The following MUC4 variants were observed in gnomAD, a reference collection of about 807,000 sequenced individuals.
MUC4 encodes mucin 4, cell surface associated.
In MUC4, 202 loss-of-function variants were observed where a neutral mutation model predicts 257.9. The observed-to-expected ratio is 0.78, with a 90% CI of 0.70 to 0.88. MUC4 has a LOEUF of 0.88. Among genes scored for constraint, MUC4 ranks in the 40% least tolerant of loss-of-function variants. The pLI, the probability that MUC4 is intolerant of heterozygous loss-of-function variation, is 0.00. For missense variants in MUC4, 5,976 were observed against 6,513.7 expected (o/e 0.92, Z 2.84); for synonymous variants, 2,351 against 2,757.1 (o/e 0.85, Z 4.62).
Position 195,770,440 on chromosome 3 carries a change from C to T in MUC4, c.13243-69G>A, listed in dbSNP as rs1386305818. 2.5e-6 allele frequency: 4 copies of T among 1,583,860 alleles called. No homozygotes were observed. In the Admixed American group the frequency reaches 5.2e-5, roughly 21 times the overall value. ...CTCCTACACATGGGCCCCCCACTTT[C>T]TGCCTGAGGACCCTGCCCACTTCAG... is the stretch of plus-strand genomic sequence containing the variant. On this transcript the variant is annotated intron_variant, in intron 5 of 24. Transcript: ENST00000463781.
Position 195,789,929 on chromosome 3 carries a change from G to A in MUC4, c.1651C>T (p.His551Tyr). The A allele has an allele frequency of 6.2e-7, 1 of 1,613,992 alleles. No individual in the cohort carries two copies. The stretch of plus-strand genomic sequence containing the variant: ...GTTGTTTTTGGGAGAGTTGTGCTGT[G>A]GGAGGAGTATGTGGTGGGCTCTCCT... ...EPGEPTTYSS[H>Y]STTLPKTTGA... Residue 551 changes from histidine (H) to tyrosine (Y), a missense_variant, in exon 2 of 25, where the codon CAC becomes TAC. His to Tyr is a moderately conservative substitution (Grantham distance 83). Transcript: ENST00000463781.
chr3:195,748,924 G>A lies in MUC4; in HGVS notation c.16012C>T (p.Leu5338=). The change falls in exon 24 of 25, where the codon CTG becomes TTG. Residue 5338 remains leucine, a synonymous_variant. Coordinates refer to ENST00000463781, the MANE Select transcript of MUC4 (RefSeq NM_018406.7). ...YCDHGGQCQH[L]PSGPRCSCVS... ...CACCTGCAGCGGGGCCCACTGGGCA[G>A]GTGCTGGCACTGGCCTCCATGGTCA... The A allele has an allele frequency of 6.3e-7, 1 of 1,591,048 alleles. No individual in the cohort carries two copies. Among genetic ancestry groups the A allele is most frequent in the Non-Finnish European group, 8.6e-7 (1 of 1,168,876 alleles).
At position 195,765,466 on chromosome 3, in the gene MUC4, G is replaced by T; in HGVS notation, c.13619-17C>A. On this transcript the variant is annotated splice_polypyrimidine_tract_variant and intron_variant, in intron 8 of 24. Coordinates refer to ENST00000463781, the MANE Select transcript of MUC4 (RefSeq NM_018406.7). ...CTTGGAGGCCTGAGGTCGGGGATGG[G>T]GGGGAAAGGGCTTATCCAGGGCTGG... The T allele has an allele frequency of 6.2e-6, 10 of 1,606,406 alleles. No individual in the cohort carries two copies. The highest frequency in any genetic ancestry group is 1.3e-5 in the African/African-American group (1 of 74,924).
intron 3 of MUC4, 131 bp downstream of exon 3, chr3:195,778,172 C>T (rs1311087263): frequency 5.0e-5 from 62 of 1,245,292 alleles, no homozygotes; most frequent in African/African-American, 6.2e-5. Context: ...GGAGCGACTC[C>T]GATGCTGTGT....
chr3:195,798,500 G>A (rs1023382334), intron 1 of MUC4, among the ~76,000 whole-genome samples: 1 of 152,080 alleles, frequency 6.6e-6, no homozygotes, highest in African/African-American at 2.4e-5. Flanking sequence ...TCAGGAGATC[G>A]AGACCATCCT....
Position 195,780,641 on chromosome 3 carries a change from T to G in MUC4, c.10939A>C (p.Thr3647Pro). The change falls in exon 2 of 25, where the codon ACC (threonine) becomes CCC (proline). Residue 3647 changes from threonine (T) to proline (P), a missense_variant. Physicochemically the swap from Thr to Pro is conservative, Grantham distance 38. Transcript: ENST00000463781. Reference protein sequence around the residue: ...SLSSVSTGDTTPLLVTDASSV... With the variant: ...SLSSVSTGDTPPLLVTDASSV... ...GAAGCGTCGGTGACAAGAAGAGGGG[T>G]GGTGTCACCTGTGGATACTGAGGAA... 1 of 1,504,940 alleles carries G rather than the reference T, an allele frequency of 6.6e-7. No homozygotes were observed. The highest frequency in any genetic ancestry group is 8.8e-7 in the Non-Finnish European group (1 of 1,134,540). 93.2% of individuals were successfully genotyped at this position (1,504,940 alleles called of 1,614,324 possible).
chr3:195,801,812 C>G (rs372040792), intron 1 of MUC4, among the ~76,000 whole-genome samples: 53 of 152,090 alleles, frequency 3.5e-4, no homozygotes, highest in African/African-American at 1.2e-3. Context: ...TGTATTGCGC[C>G]CCCCCCTCCA....
At chr3:195,772,235 C>A (rs548006571) in intron 4 of MUC4, among the ~76,000 whole-genome samples, 2 of 149,226 alleles carry the variant, frequency 1.3e-5, no homozygotes, top group African/African-American at 4.9e-5. Context: ...CTCCCTCCGT[C>A]GCTCAGGGGT....
At chr3:195,803,823 A>G (rs1036098306) in intron 1 of MUC4, among the ~76,000 whole-genome samples, 1 of 151,910 alleles carries the variant, frequency 6.6e-6, no homozygotes, top group Non-Finnish European at 1.5e-5. Context: ...GTGGATGGAG[A>G]GCTGAGGCAA....
chr3:195,778,681 A>C (rs914229454), intron 2 of MUC4, 109 bp downstream of exon 2: 35 of 1,348,798 alleles, frequency 2.6e-5, no homozygotes, highest in Middle Eastern at 4.9e-4. Flanking sequence ...GGGACCTGAC[A>C]CGGCCCCACC....
chr3:195,770,323 C>T lies in MUC4; in HGVS notation c.13291G>A (p.Glu4431Lys), dbSNP rs1462978621. The change falls in exon 6 of 25, where the codon GAG (glutamate) becomes AAG (lysine). Residue 4431 changes from glutamate to lysine, a missense_variant. This residue lies in a region of MUC4 where 996 missense variants were observed against 1,137.3 expected (regional missense o/e 0.88). Transcript: ENST00000463781. ...GEHSLLVQQA[E>K]SWIRKMTNNG... is the part of the protein sequence containing the mutation. ...TTTGTCATCTTTCTAATCCAAGACT[C>T]GGCCTGCTGGACTAGCAGGCTGTGT... 8 of 1,613,918 alleles carry T rather than the reference C, an allele frequency of 5.0e-6. No homozygotes were observed. The highest frequency in any genetic ancestry group is 2.2e-5 in the East Asian group (1 of 44,888).
At chr3:195,767,805 TCACCACCATCAC>T (rs1406503267) in intron 7 of MUC4, among the ~76,000 whole-genome samples, 39 of 33,680 alleles carry the variant, frequency 1.2e-3, no homozygotes, top group Admixed American at 4.4e-3. Flanking sequence ...ACCACCATCA[TCACCACCATCAC>T]CACCACCACC....
In MUC4 at chr3:195,761,010, GTTCAGCCCAGGAGCTGT is replaced by G; in HGVS notation, c.14705_14721del (p.Asn4902ThrfsTer7). On this transcript the variant is annotated frameshift_variant, in exon 16 of 25. Transcript: ENST00000463781. LOFTEE classifies it high-confidence loss of function. ...TCTCCGTCACAGTTGGAGATCAAATGTTCAGCCCAGGAGCTGTTTTTTTGCAGTTGTGAGTAGAAAAC... is the reference window on the plus strand; with the variant it reads ...TCTCCGTCACAGTTGGAGATCAAATGTTTTTTGCAGTTGTGAGTAGAAAAC... 2 of 1,614,208 alleles carry G rather than the reference GTTCAGCCCAGGAGCTGT, an allele frequency of 1.2e-6. No individual in the cohort carries two copies. Among genetic ancestry groups the G allele is most frequent in the Non-Finnish European group, 1.7e-6 (2 of 1,180,036 alleles).
Position 195,790,516 on chromosome 3 carries a change from G to A in MUC4, c.1064C>T (p.Ser355Leu). 1 of 1,614,020 alleles carries A rather than the reference G, an allele frequency of 6.2e-7. No individual in the cohort carries two copies. ...TPVTTSTVLS[S>L]PSGFNPSGTV... ...TCCACTTGGGTTGAATCCACTTGGTGAGGATAAAACAGTTGATGTTGTAAC... is the reference window on the plus strand; with the variant it reads ...TCCACTTGGGTTGAATCCACTTGGTAAGGATAAAACAGTTGATGTTGTAAC... The change falls in exon 2 of 25, where the codon TCA becomes TTA. Residue 355 changes from serine (S) to leucine (L), a missense_variant. Physicochemically the swap from Ser to Leu is moderately radical, Grantham distance 145. This residue lies in a region of MUC4 where 1,583 missense variants were observed against 1,257.4 expected (regional missense o/e 1.26). Coordinates refer to ENST00000463781, the MANE Select transcript of MUC4 (RefSeq NM_018406.7).
At chr3:195,803,240 A>G (rs1735573278) in intron 1 of MUC4, among the ~76,000 whole-genome samples, 1 of 152,242 alleles carries the variant, frequency 6.6e-6, no homozygotes, top group Admixed American at 6.5e-5. Flanking sequence ...GGGACCCAGA[A>G]GAGCCACCAG....
intron 5 of MUC4, chr3:195,771,013 G>A (rs992934371): frequency 1.8e-5 from 6 of 341,636 alleles, no homozygotes; most frequent in Admixed American, 3.5e-5. Context: ...GGTCAGTCTC[G>A]TGGTTGGGTT....
intron 20 of MUC4, among the ~76,000 whole-genome samples, chr3:195,752,810 A>C (rs73204000): frequency 0.2 from 30,659 of 152,158 alleles, 4,370 homozygotes; most frequent in African/African-American, 0.4. Flanking sequence ...TCACTGAGCC[A>C]GCTGTGAGGT....
In MUC4 at chr3:195,752,423, G is replaced by A. The variant is rs200851655; in HGVS notation, c.15532C>T (p.Leu5178Phe). ...NLELPLRVIQ[L>F]LLSEEENASM... ...GCATTTTCCTCTTCACTGAGCAAGAGCTGGATGACTCTTAAGGGAAGTTCT... is the reference window on the plus strand; with the variant it reads ...GCATTTTCCTCTTCACTGAGCAAGAACTGGATGACTCTTAAGGGAAGTTCT... The change falls in exon 21 of 25, where the codon CTC becomes TTC. Residue 5178 changes from leucine (L) to phenylalanine (F), a missense_variant. Physicochemically the swap from Leu to Phe is conservative, Grantham distance 22. Around this residue, in one of 44 missense-constraint regions of MUC4, gnomAD observed 996 missense variants for 1,137.3 expected, o/e 0.88. Transcript: ENST00000463781. The A allele has an allele frequency of 2.5e-6, 4 of 1,614,038 alleles. No homozygotes were observed. The East Asian group carries it at 8.9e-5, about 36-fold the overall frequency.
chr3:195,752,354 C>T lies in MUC4; in HGVS notation c.15582+19G>A, dbSNP rs375187117. On this transcript the variant is annotated intron_variant, in intron 21 of 24. Coordinates refer to ENST00000463781, the MANE Select transcript of MUC4 (RefSeq NM_018406.7). ...GCCAAGCGCCCCCTCCCACCCAGAGCGCGGCCTGCAGCACTGACCGAGGCG... is the reference window on the plus strand; with the variant it reads ...GCCAAGCGCCCCCTCCCACCCAGAGTGCGGCCTGCAGCACTGACCGAGGCG... The T allele has an allele frequency of 6.0e-5, 96 of 1,604,718 alleles. No homozygotes were observed. The highest frequency in any genetic ancestry group is 7.7e-5 in the Non-Finnish European group (90 of 1,171,542).
Sources: gnomAD v4.1 joint callset for allele counts (sites outside exome capture counted in the v4.1 genomes callset) on GRCh38, gnomAD v4.1.1 for gene constraint, gnomAD v4.1.1 regional missense constraint, MANE v1.5 for transcripts, NCBI Gene and HGNC (gene_info 2026-07-23, HGNC 2026-07-21) for gene names.